LRRC4C: variants seen among roughly 807,000 people sequenced by gnomAD.
The protein encoded by LRRC4C is leucine-rich repeat-containing protein 4C.
A neutral mutation model predicts 33.6 loss-of-function variants in LRRC4C; 5 were observed. That is an observed-to-expected ratio of 0.15 (90% CI 0.08 to 0.31). LRRC4C has a LOEUF of 0.31. LRRC4C is among the 10% of genes least tolerant of loss of function. The pLI is 1.00. For synonymous variants in LRRC4C, 329 were observed against 302.0 expected, an observed-to-expected ratio of 1.09 and a Z score of -0.93; for missense variants, 560 against 796.7, an observed-to-expected ratio of 0.70 and a Z score of 3.58.
chr11:40,410,949 A>C (rs1950135782), intron 3 of LRRC4C, among the ~76,000 whole-genome samples: 1 of 152,068 alleles, frequency 6.6e-6, no homozygotes, highest in Non-Finnish European at 1.5e-5. Context: ...AAAGTGCTGC[A>C]GTTAAAGCCA....
intron 1 of LRRC4C, among the ~76,000 whole-genome samples, chr11:40,955,437 A>T (rs538609611): frequency 6.6e-6 from 1 of 151,102 alleles, no homozygotes; most frequent in Non-Finnish European, 1.5e-5. Context: ...ACTGGGGGGG[A>T]AAAACACAAA....
intron 3 of LRRC4C, among the ~76,000 whole-genome samples, chr11:40,581,626 G>A (rs1346871530): frequency 1.3e-5 from 2 of 152,144 alleles, no homozygotes; most frequent in Admixed American, 1.3e-4. Context: ...AGAATAGGCC[G>A]GGAGCGGTGG....
intron 2 of LRRC4C, among the ~76,000 whole-genome samples, chr11:40,840,052 C>G (rs1340439798): frequency 6.6e-6 from 1 of 152,078 alleles, no homozygotes; most frequent in Non-Finnish European, 1.5e-5. Flanking sequence ...TACACAGAAA[C>G]TAACTTGAAT....
chr11:41,074,314 A>G (rs1460035768), intron 1 of LRRC4C, among the ~76,000 whole-genome samples: 2 of 152,202 alleles, frequency 1.3e-5, no homozygotes, highest in East Asian at 1.9e-4. Flanking sequence ...TGAAGAAAAT[A>G]TAAAGAGAGA....
chr11:41,338,681 G>A (rs1417339892), intron 1 of LRRC4C, among the ~76,000 whole-genome samples: 2 of 151,998 alleles, frequency 1.3e-5, no homozygotes, highest in African/African-American at 4.8e-5. Context: ...TTCTGTACAC[G>A]TATCTCTGAC....
intron 2 of LRRC4C, among the ~76,000 whole-genome samples, chr11:40,891,081 T>C (rs1955686470): frequency 6.6e-6 from 1 of 151,892 alleles, no homozygotes; most frequent in African/African-American, 2.4e-5. Flanking sequence ...AATACAAAAA[T>C]TAGCCAGAAA....
intron 1 of LRRC4C, among the ~76,000 whole-genome samples, chr11:40,970,269 G>A (rs1314556351): frequency 6.6e-6 from 1 of 152,132 alleles, no homozygotes; most frequent in African/African-American, 2.4e-5. Context: ...AAAACTGATT[G>A]GTTCATGGGG....
intron 5 of LRRC4C, among the ~76,000 whole-genome samples, chr11:40,193,811 C>A (rs2135645051): frequency 6.6e-6 from 1 of 152,092 alleles, no homozygotes; most frequent in East Asian, 1.9e-4. Flanking sequence ...GTGAAGCATA[C>A]ACAAGTATCA....
chr11:41,373,192 C>T (rs1952816323), intron 1 of LRRC4C, among the ~76,000 whole-genome samples: 1 of 151,788 alleles, frequency 6.6e-6, no homozygotes, highest in South Asian at 2.1e-4. Flanking sequence ...CAATGAATCC[C>T]CAGTTGAATA....
intron 1 of LRRC4C, among the ~76,000 whole-genome samples, chr11:41,442,458 C>CTTTTTTTTTTTTTTTTTT (rs775679545): frequency 1.1e-4 from 9 of 84,072 alleles, no homozygotes; most frequent in South Asian, 4.3e-4. Context: ...TTGCTTTTTT[C>CTTTTTTTTTTTTTTTTTT]TTTTTTTTTT....
At chr11:41,158,571 C>CT (rs1944332096) in intron 1 of LRRC4C, among the ~76,000 whole-genome samples, 1 of 152,018 alleles carries the variant, frequency 6.6e-6, no homozygotes, top group African/African-American at 2.4e-5. Flanking sequence ...GGCAACATAC[C>CT]TTTTTTCCAG....
intron 3 of LRRC4C, among the ~76,000 whole-genome samples, chr11:40,334,881 C>T (rs1335984632): frequency 6.6e-6 from 1 of 152,122 alleles, no homozygotes; most frequent in Non-Finnish European, 1.5e-5. Flanking sequence ...AGGATAACAG[C>T]GATCTGGCCA....
At chr11:41,095,676 G>A (rs1940764734) in intron 1 of LRRC4C, among the ~76,000 whole-genome samples, 1 of 152,160 alleles carries the variant, frequency 6.6e-6, no homozygotes, top group South Asian at 2.1e-4. Flanking sequence ...GGTTAAGAAG[G>A]AATATATAAT....
intron 5 of LRRC4C, among the ~76,000 whole-genome samples, chr11:40,219,339 C>T (rs777276266): frequency 2.0e-5 from 3 of 152,128 alleles, no homozygotes; most frequent in African/African-American, 7.2e-5. Flanking sequence ...GACACGTATA[C>T]ACTTTGTATA....
At chr11:40,149,824 AT>A (rs1413579277) in intron 5 of LRRC4C, among the ~76,000 whole-genome samples, 1 of 152,208 alleles carries the variant, frequency 6.6e-6, no homozygotes, top group Non-Finnish European at 1.5e-5. Flanking sequence ...AAAGAATAAT[AT>A]GGGGAAGAAA....
At chr11:40,926,085 T>G (rs1289807845) in intron 2 of LRRC4C, among the ~76,000 whole-genome samples, 1 of 144,356 alleles carries the variant, frequency 6.9e-6, no homozygotes, top group African/African-American at 2.5e-5. Flanking sequence ...TGTTGTTGTT[T>G]AATCAGCAGA....
intron 4 of LRRC4C, among the ~76,000 whole-genome samples, chr11:40,261,117 G>A (rs188984842): frequency 2.3e-3 from 355 of 152,140 alleles, no homozygotes; most frequent in Middle Eastern, 0.01. Context: ...CTGACCTCAA[G>A]TGATCTTCCC....
intron 5 of LRRC4C, among the ~76,000 whole-genome samples, chr11:40,157,289 C>A (rs923239490): frequency 3.9e-5 from 6 of 152,092 alleles, no homozygotes; most frequent in African/African-American, 1.4e-4. Flanking sequence ...AAACCTAAGA[C>A]CTGAAACTAT....
At chr11:40,238,542 A>C (rs1200010583) in intron 5 of LRRC4C, among the ~76,000 whole-genome samples, 1 of 152,208 alleles carries the variant, frequency 6.6e-6, no homozygotes, top group East Asian at 1.9e-4. Flanking sequence ...GGCTAAGCAC[A>C]GCATATCAAA....
Sources: allele counts gnomAD v4.1 joint callset (sites outside exome capture counted in the v4.1 genomes callset), GRCh38; gene constraint gnomAD v4.1.1; transcripts MANE v1.5; gene names NCBI Gene and HGNC (gene_info 2026-07-23, HGNC 2026-07-21).